ZC3H3: variants seen among roughly 807,000 people sequenced by gnomAD.
ZC3H3 encodes zinc finger CCCH domain-containing protein 3.
In ZC3H3, 36 loss-of-function variants were observed where a neutral mutation model predicts 77.3. The observed-to-expected ratio is 0.47, with a 90% CI of 0.36 to 0.61. The LOEUF (loss-of-function observed/expected upper bound fraction) is 0.61. ZC3H3 is among the 20% of genes least tolerant of loss of function. The pLI is 0.00. For missense variants in ZC3H3, 1,331 were observed against 1,312.2 expected, an observed-to-expected ratio of 1.01 and a Z score of -0.22; for synonymous variants, 626 against 555.2, an observed-to-expected ratio of 1.13 and a Z score of -1.79.
At chr8:143,537,434 G>A (rs1822838126) in intron 2 of ZC3H3, among the ~76,000 whole-genome samples, 1 of 151,858 alleles carries the variant, frequency 6.6e-6, no homozygotes, top group African/African-American at 2.4e-5. Context: ...AGACCAGCTG[G>A]AGCAGCCCTC....
Position 143,530,984 on chromosome 8 carries a change from G to A in ZC3H3, c.1561+5273C>T, listed in dbSNP as rs1396544470. Among the ~76,000 whole-genome samples, 1 of 141,676 alleles carries A rather than the reference G, an allele frequency of 7.1e-6. No individual in the cohort carries two copies. The highest frequency in any genetic ancestry group is 1.5e-5 in the Non-Finnish European group (1 of 66,286). 92.9% of individuals were successfully genotyped at this position (141,676 alleles called of 152,430 possible). ...TTTTTTTTTTTTTTTTTTTGAGACA[G>A]GGTCTCATTCTGTCACCCAGGTTGC... On this transcript the variant is annotated intron_variant, in intron 3 of 11. Coordinates refer to ENST00000262577, the MANE Select transcript of ZC3H3 (RefSeq NM_015117.3). The surrounding 1 kb of genome is among the most constrained non-coding windows in gnomAD (Gnocchi z 4.3).
At chr8:143,478,557 T>C (rs934849312) in intron 4 of ZC3H3, among the ~76,000 whole-genome samples, 1 of 152,250 alleles carries the variant, frequency 6.6e-6, no homozygotes, top group Non-Finnish European at 1.5e-5. Flanking sequence ...TGACCCAGGC[T>C]AGAGTGCAAT....
intron 9 of ZC3H3, among the ~76,000 whole-genome samples, chr8:143,463,718 G>T (rs953685691): frequency 6.6e-6 from 1 of 152,208 alleles, no homozygotes; most frequent in Non-Finnish European, 1.5e-5. Flanking sequence ...CCAGGACAGG[G>T]ACGCCTACTG....
intron 1 of ZC3H3, among the ~76,000 whole-genome samples, chr8:143,539,862 C>A (rs1822951906): frequency 6.6e-6 from 1 of 152,228 alleles, no homozygotes; most frequent in South Asian, 2.1e-4. Context: ...GTCTTCCCTG[C>A]AGAAGAGGAA....
intron 3 of ZC3H3, among the ~76,000 whole-genome samples, chr8:143,508,284 G>A (rs1318378265): frequency 6.6e-6 from 1 of 152,184 alleles, no homozygotes; most frequent in Admixed American, 6.5e-5. Flanking sequence ...ACTTCCAGCA[G>A]AGCAGTGAGG....
At chr8:143,465,277 T>G (rs1002008373) in intron 9 of ZC3H3, among the ~76,000 whole-genome samples, 11 of 152,082 alleles carry the variant, frequency 7.2e-5, no homozygotes, top group Non-Finnish European at 1.6e-4. Flanking sequence ...TGCCCCAGGC[T>G]GGGTGGGAGT....
intron 3 of ZC3H3, among the ~76,000 whole-genome samples, chr8:143,528,283 G>T (rs770986700): frequency 4.6e-5 from 7 of 152,210 alleles, no homozygotes; most frequent in Non-Finnish European, 1.0e-4. Flanking sequence ...ACAAGGCTGG[G>T]ACCCAGACCC....
intron 4 of ZC3H3, among the ~76,000 whole-genome samples, chr8:143,489,470 C>A (rs1038726866): frequency 6.6e-6 from 1 of 152,058 alleles, no homozygotes; most frequent in Non-Finnish European, 1.5e-5. Context: ...CCGCCCACCA[C>A]CGCCTGGCCC....
Position 143,539,249 on chromosome 8 carries a change from G to C in ZC3H3, c.118C>G (p.Gln40Glu), listed in dbSNP as rs1478385097. 5 of 1,612,724 alleles carry C rather than the reference G, an allele frequency of 3.1e-6. No homozygotes were observed. The African/African-American group carries it at 6.7e-5, about 22-fold the overall frequency. The part of the protein sequence containing the change: ...APGTPAASGW[Q>E]PPTYHSGRAF... The stretch of plus-strand genomic sequence containing the variant: ...CTGCCACTGTGGTAAGTGGGTGGCT[G>C]CCACCCAGAAGCTGCTGGGGTACCA... The change falls in exon 2 of 12, where the codon CAG (glutamine) becomes GAG (glutamate). Residue 40 changes from glutamine (Q) to glutamate (E), a missense_variant. Physicochemically the swap from Gln to Glu is conservative, Grantham distance 29 (BLOSUM62 2). Transcript: ENST00000262577.
intron 3 of ZC3H3, among the ~76,000 whole-genome samples, chr8:143,529,205 C>T (rs527401976): frequency 1.3e-5 from 2 of 152,324 alleles, no homozygotes; most frequent in East Asian, 3.9e-4. Context: ...TGGGTTTTTC[C>T]CATGCACTGG....
intron 3 of ZC3H3, among the ~76,000 whole-genome samples, chr8:143,519,453 C>T (rs1822170348): frequency 6.6e-6 from 1 of 152,140 alleles, no homozygotes; most frequent in African/African-American, 2.4e-5. Flanking sequence ...GTCTTGAAAG[C>T]GCAAAGGTTA....
At chr8:143,495,307 G>A (rs529971555) in intron 4 of ZC3H3, among the ~76,000 whole-genome samples, 4 of 152,360 alleles carry the variant, frequency 2.6e-5, no homozygotes, top group African/African-American at 7.2e-5. Flanking sequence ...GAAGCAATGC[G>A]AGAACATCTG....
intron 9 of ZC3H3, among the ~76,000 whole-genome samples, chr8:143,441,857 T>G (rs1236826946): frequency 6.6e-6 from 1 of 152,176 alleles, no homozygotes; most frequent in Non-Finnish European, 1.5e-5. Flanking sequence ...CCAAGGCCTT[T>G]CAGGGAGGGT....
At chr8:143,523,888 T>TG (rs1822329747) in intron 3 of ZC3H3, among the ~76,000 whole-genome samples, 1 of 152,276 alleles carries the variant, frequency 6.6e-6, no homozygotes, top group African/African-American at 2.4e-5. Flanking sequence ...TGGCATGGGC[T>TG]GGGGGCGGGT....
At chr8:143,489,044 C>G in intron 4 of ZC3H3, among the ~76,000 whole-genome samples, 1 of 152,050 alleles carries the variant, frequency 6.6e-6, no homozygotes, top group East Asian at 1.9e-4. Flanking sequence ...GCAGCGCTGA[C>G]CCCCAGGACT....
Position 143,439,841 on chromosome 8 carries a change from G to A in ZC3H3, c.2815+200C>T, listed in dbSNP as rs540466880. 1.3e-4 allele frequency among the ~76,000 whole-genome samples: 15 copies of A among 112,082 alleles called. No homozygotes were observed. In the South Asian group the frequency reaches 1.7e-3, roughly 13 times the overall value. The allele number at this position is 112,082 out of a possible 152,430, so 73.5% of individuals were successfully genotyped here. A position where few individuals can be genotyped will look rare whatever the true frequency, so the allele number is the denominator to read the frequency against. The stretch of plus-strand genomic sequence containing the variant: ...TGCCTACCTGAGCCCTTGGTGAGGG[G>A]GGCCCTGGGGGCCTGAGCCAGGCCA... On this transcript the variant is annotated intron_variant, in intron 11 of 11. Coordinates refer to ENST00000262577, the MANE Select transcript of ZC3H3 (RefSeq NM_015117.3).
chr8:143,460,217 C>T lies in ZC3H3; in HGVS notation c.2307+5500G>A, dbSNP rs1820222545. On this transcript the variant is annotated intron_variant, in intron 9 of 11. Transcript: ENST00000262577. This position sits in a 1 kb window ranked among gnomAD's most constrained non-coding sequence, Gnocchi z 4.0. ...GAGCCGAGATCATGCCATTGCACTC[C>T]AGCCTGGGCGACAGAGTGAGACTAT... Among the ~76,000 whole-genome samples, 4 of 151,778 alleles carry T rather than the reference C, an allele frequency of 2.6e-5. No homozygotes were observed. Among genetic ancestry groups the T allele is most frequent in the Admixed American group, 2.6e-4 (4 of 15,218 alleles).
intron 9 of ZC3H3, among the ~76,000 whole-genome samples, chr8:143,453,483 C>T (rs1322698015): frequency 6.6e-6 from 1 of 152,174 alleles, no homozygotes; most frequent in African/African-American, 2.4e-5. Flanking sequence ...TAACATTCTT[C>T]AAGCTCAAAA....
intron 3 of ZC3H3, among the ~76,000 whole-genome samples, chr8:143,528,253 C>T (rs1321444976): frequency 6.6e-6 from 1 of 152,228 alleles, no homozygotes; most frequent in East Asian, 1.9e-4. Flanking sequence ...TTGTTTCTGA[C>T]CACAGCGCTC....
Sources: gnomAD v4.1 joint callset for allele counts (sites outside exome capture counted in the v4.1 genomes callset) on GRCh38, gnomAD v4.1.1 for gene constraint, Gnocchi (gnomAD v3.1) non-coding constraint, MANE v1.5 for transcripts, NCBI Gene and HGNC (gene_info 2026-07-23, HGNC 2026-07-21) for gene names.